MALRD1: variants seen among roughly 807,000 people sequenced by gnomAD.
The protein encoded by MALRD1 is MAM and LDL-receptor class A domain-containing protein 1.
MALRD1 carries 247 observed loss-of-function variants against 242.1 expected under a neutral mutation model. The ratio of observed to expected loss-of-function variants is 1.02; its 90% CI spans 0.92 to 1.13. MALRD1 has a LOEUF of 1.13. MALRD1 is among the 50% of genes most tolerant of loss of function. The probability of loss-of-function intolerance (pLI) is 0.00; values close to 1 mark genes in which losing one functional copy is unlikely to be tolerated. For missense variants in MALRD1, 2,989 were observed against 2,533.1 expected, an observed-to-expected ratio of 1.18 and a Z score of -3.86; for synonymous variants, 995 against 866.6, an observed-to-expected ratio of 1.15 and a Z score of -2.60.
chr10:19,610,734 G>C (rs1838855997), intron 35 of MALRD1, among the ~76,000 whole-genome samples: 1 of 152,020 alleles, frequency 6.6e-6, no homozygotes. Flanking sequence ...AGGCTTTGGA[G>C]TCAGAAGACA....
intron 21 of MALRD1, among the ~76,000 whole-genome samples, chr10:19,316,805 G>A (rs1842725116): frequency 6.6e-6 from 1 of 151,716 alleles, no homozygotes; most frequent in African/African-American, 2.4e-5. Context: ...GGCAGAGGTG[G>A]GGATAGTTAA....
intron 26 of MALRD1, among the ~76,000 whole-genome samples, chr10:19,364,344 A>G (rs867930949): frequency 6.6e-6 from 1 of 152,160 alleles, no homozygotes; most frequent in Non-Finnish European, 1.5e-5. Flanking sequence ...AAATCATTGC[A>G]TAATTCCCAA....
intron 18 of MALRD1, among the ~76,000 whole-genome samples, chr10:19,238,361 C>A (rs192438691): frequency 1.1e-4 from 7 of 65,208 alleles, no homozygotes; most frequent in African/African-American, 4.3e-4. Flanking sequence ...ATATATAATA[C>A]ATAATATATA....
At chr10:19,369,327 T>C (rs1845263347) in intron 26 of MALRD1, among the ~76,000 whole-genome samples, 1 of 146,976 alleles carries the variant, frequency 6.8e-6, no homozygotes, top group Admixed American at 6.9e-5. Flanking sequence ...ATAAAATATA[T>C]AAATATAAAA....
chr10:19,507,029 G>T (rs1833173936), intron 31 of MALRD1, among the ~76,000 whole-genome samples: 1 of 152,090 alleles, frequency 6.6e-6, no homozygotes, highest in Admixed American at 6.5e-5. Context: ...GGTGAAGGGG[G>T]AGCAGGCACA....
intron 23 of MALRD1, among the ~76,000 whole-genome samples, chr10:19,329,249 G>A (rs772345030): frequency 3.4e-4 from 51 of 152,236 alleles, no homozygotes; most frequent in Non-Finnish European, 6.9e-4. Context: ...GAGAGAGACA[G>A]TGGTTAGTTA....
intron 30 of MALRD1, among the ~76,000 whole-genome samples, chr10:19,498,223 T>G (rs1178248717): frequency 6.6e-6 from 1 of 152,250 alleles, no homozygotes; most frequent in African/African-American, 2.4e-5. Flanking sequence ...ATTGTTCATG[T>G]GTAGACACAG....
chr10:19,464,621 G>A (rs1207537965), intron 29 of MALRD1, among the ~76,000 whole-genome samples: 1 of 152,106 alleles, frequency 6.6e-6, no homozygotes, highest in Non-Finnish European at 1.5e-5. Context: ...TGGCCATATA[G>A]TAAAGTTTGA....
At chr10:19,234,603 A>G (rs930263737) in intron 18 of MALRD1, among the ~76,000 whole-genome samples, 2 of 145,832 alleles carry the variant, frequency 1.4e-5, no homozygotes, top group Admixed American at 1.4e-4. Flanking sequence ...TCTTGTAAAC[A>G]TTGACTTAGT....
intron 32 of MALRD1, among the ~76,000 whole-genome samples, chr10:19,540,363 C>T (rs1453896224): frequency 2.6e-5 from 4 of 152,102 alleles, no homozygotes; most frequent in Non-Finnish European, 2.9e-5. Flanking sequence ...TGCAAAGACA[C>T]GTGGCACCCA....
intron 36 of MALRD1, among the ~76,000 whole-genome samples, chr10:19,668,501 G>A (rs1016379619): frequency 1.3e-5 from 2 of 152,184 alleles, no homozygotes; most frequent in Non-Finnish European, 2.9e-5. Flanking sequence ...ATAACCAAAT[G>A]TGGGAGAACG....
chr10:19,220,867 G>A (rs1035833288), intron 18 of MALRD1, among the ~76,000 whole-genome samples: 4 of 152,124 alleles, frequency 2.6e-5, no homozygotes, highest in African/African-American at 9.7e-5. Context: ...CAGGAAACAG[G>A]TCTTACAATC....
chr10:19,383,956 T>C (rs1256251645), intron 26 of MALRD1, among the ~76,000 whole-genome samples: 1 of 151,870 alleles, frequency 6.6e-6, no homozygotes, highest in Non-Finnish European at 1.5e-5. Context: ...AGCATTTAAG[T>C]TTGTAGAACC....
intron 33 of MALRD1, among the ~76,000 whole-genome samples, chr10:19,572,669 A>C (rs1159761447): frequency 1.3e-5 from 2 of 152,172 alleles, no homozygotes; most frequent in Non-Finnish European, 2.9e-5. Context: ...TTGTAGATGT[A>C]ATTAAGATGT....
chr10:19,572,277 G>T (rs573006752), intron 33 of MALRD1, among the ~76,000 whole-genome samples: 1 of 152,118 alleles, frequency 6.6e-6, no homozygotes, highest in Admixed American at 6.6e-5. Flanking sequence ...GTTTTCCTTA[G>T]CCATGTGAGT....
chr10:19,059,869 A>G (rs1834772069), intron 1 of MALRD1, among the ~76,000 whole-genome samples: 1 of 152,130 alleles, frequency 6.6e-6, no homozygotes, highest in Non-Finnish European at 1.5e-5. Flanking sequence ...TTTTTCCCAA[A>G]CCAATGAAAA....
At chr10:19,232,278 T>A (rs1287958763) in intron 18 of MALRD1, among the ~76,000 whole-genome samples, 1 of 151,944 alleles carries the variant, frequency 6.6e-6, no homozygotes, top group Admixed American at 6.6e-5. Flanking sequence ...GCAATTCTCC[T>A]GCCTCAGTCT....
intron 38 of MALRD1, among the ~76,000 whole-genome samples, chr10:19,718,560 A>G (rs925325136): frequency 6.6e-6 from 1 of 152,198 alleles, no homozygotes; most frequent in Non-Finnish European, 1.5e-5. Flanking sequence ...TGATCCAGTC[A>G]GGTCCCACCA....
intron 28 of MALRD1, among the ~76,000 whole-genome samples, chr10:19,417,946 C>T (rs1219498087): frequency 6.6e-6 from 1 of 151,984 alleles, no homozygotes; most frequent in Non-Finnish European, 1.5e-5. Flanking sequence ...GCCTACGGTG[C>T]ACTGGGGTTA....
Sources: allele counts gnomAD v4.1 joint callset (sites outside exome capture counted in the v4.1 genomes callset), GRCh38; gene constraint gnomAD v4.1.1; transcripts MANE v1.5; gene names NCBI Gene and HGNC (gene_info 2026-07-23, HGNC 2026-07-21).